VPS37A: variants seen among roughly 807,000 people sequenced by gnomAD.
VPS37A encodes the protein VPS37A subunit of ESCRT-I.
Under a neutral mutation model 49.8 loss-of-function variants are expected in VPS37A, and 30 were observed. The observed-to-expected ratio is 0.60, with a 90% CI of 0.45 to 0.82. The LOEUF is 0.82. VPS37A is among the 40% of genes least tolerant of loss of function. VPS37A has a pLI of 0.00. For missense variants in VPS37A, 593 were observed against 464.4 expected (o/e 1.28, Z -2.55); for synonymous variants, 195 against 160.6 (o/e 1.21, Z -1.62).
intron 9 of VPS37A, among the ~76,000 whole-genome samples, chr8:17,280,740 C>T (rs1208484333): frequency 6.6e-6 from 1 of 151,812 alleles, no homozygotes; most frequent in Non-Finnish European, 1.5e-5. Context: ...CTAGCAATAA[C>T]AACAAAAACT....
intron 4 of VPS37A, among the ~76,000 whole-genome samples, chr8:17,270,240 A>G (rs1190301302): frequency 1.3e-5 from 2 of 152,158 alleles, no homozygotes; most frequent in South Asian, 4.1e-4. Flanking sequence ...CATCCAAACT[A>G]TATCAGATGA....
chr8:17,267,053 A>G (rs747078976), intron 2 of VPS37A, among the ~76,000 whole-genome samples: 17 of 152,082 alleles, frequency 1.1e-4, no homozygotes, highest in Non-Finnish European at 2.2e-4. Context: ...TTACAGGCGT[A>G]TGTGAGCTTT....
chr8:17,285,385 A>G (rs1815495906), intron 10 of VPS37A, among the ~76,000 whole-genome samples: 1 of 152,210 alleles, frequency 6.6e-6, no homozygotes, highest in South Asian at 2.1e-4. Context: ...TATAGAATAC[A>G]TTTTTAAAAA....
At chr8:17,302,711 C>G (rs1817202568), downstream of VPS37A, among the ~76,000 whole-genome samples, 2 of 68,652 alleles carry the variant, frequency 2.9e-5, 1 homozygote, top group Admixed American at 2.2e-4. Context: ...TAACCCCCCC[C>G]CCCCCGCTTT....
chr8:17,311,293 A>G, the VPS37A span, among the ~76,000 whole-genome samples: 1 of 152,216 alleles, frequency 6.6e-6, no homozygotes, highest in South Asian at 2.1e-4. Context: ...TTGACTTGAA[A>G]TGGTTTCAAT....
intron 11 of VPS37A, among the ~76,000 whole-genome samples, chr8:17,294,299 C>T (rs1382286734): frequency 1.3e-5 from 2 of 152,112 alleles, no homozygotes; most frequent in East Asian, 3.9e-4. Context: ...GGACGCCCCT[C>T]CCCCCACCAA....
the VPS37A span, among the ~76,000 whole-genome samples, chr8:17,331,892 T>C: frequency 1.3e-5 from 2 of 152,182 alleles, no homozygotes; most frequent in Non-Finnish European, 2.9e-5. Flanking sequence ...TAGAGATCTA[T>C]TGGGCTTTTT....
chr8:17,328,486 T>C, the VPS37A span, among the ~76,000 whole-genome samples: 1 of 151,838 alleles, frequency 6.6e-6, no homozygotes, highest in African/African-American at 2.4e-5. Flanking sequence ...AAGCACCACA[T>C]GTTCTCACTT....
intron 4 of VPS37A, among the ~76,000 whole-genome samples, chr8:17,269,562 A>G (rs1813787788): frequency 1.3e-5 from 2 of 152,138 alleles, no homozygotes; most frequent in Admixed American, 1.3e-4. Context: ...TTTTTTTCAT[A>G]TCAAACCAGT....
At chr8:17,250,660 TA>T (rs985620345) in intron 1 of VPS37A, among the ~76,000 whole-genome samples, 4 of 152,202 alleles carry the variant, frequency 2.6e-5, no homozygotes, top group African/African-American at 9.7e-5. Context: ...TAACCCCTTA[TA>T]ATTCCGAAAA....
chr8:17,248,229 T>C (rs1811551309), intron 1 of VPS37A: 1 of 426,586 alleles, frequency 2.3e-6, no homozygotes, highest in South Asian at 1.7e-5. Flanking sequence ...CTATTTTAAA[T>C]AAAGATGACA....
the VPS37A span, among the ~76,000 whole-genome samples, chr8:17,315,029 C>T: frequency 7.9e-6 from 1 of 127,318 alleles, no homozygotes; most frequent in Non-Finnish European, 1.5e-5. Context: ...TATATTAGCC[C>T]TGTGGCCCTT....
intron 11 of VPS37A, among the ~76,000 whole-genome samples, chr8:17,289,366 T>C (rs561664345): frequency 2.0e-5 from 3 of 152,336 alleles, no homozygotes; most frequent in Admixed American, 1.3e-4. Flanking sequence ...TTAATCCATC[T>C]TGAGTTAATT....
the VPS37A span, among the ~76,000 whole-genome samples, chr8:17,331,953 T>A: frequency 2.0e-5 from 3 of 152,222 alleles, no homozygotes; most frequent in Non-Finnish European, 4.4e-5. Flanking sequence ...GGTCTCCAAG[T>A]GCAAACTAGG....
chr8:17,287,329 T>C (rs1815697386), intron 11 of VPS37A, among the ~76,000 whole-genome samples: 1 of 152,148 alleles, frequency 6.6e-6, no homozygotes, highest in African/African-American at 2.4e-5. Flanking sequence ...TCACACCTTT[T>C]TTGAGGCTGC....
intron 2 of VPS37A, among the ~76,000 whole-genome samples, chr8:17,266,866 G>C (rs894718808): frequency 2.6e-5 from 4 of 152,032 alleles, no homozygotes; most frequent in Non-Finnish European, 1.5e-5. Context: ...TCCGCCTCCC[G>C]GGTTCAAGCG....
chr8:17,249,256 G>C (rs1299947012), intron 1 of VPS37A, among the ~76,000 whole-genome samples: 2 of 152,308 alleles, frequency 1.3e-5, no homozygotes, highest in African/African-American at 4.8e-5. Context: ...CCCAAATAAA[G>C]TGAGATTCTA....
At chr8:17,320,096 G>C in the VPS37A span, among the ~76,000 whole-genome samples, 4 of 151,696 alleles carry the variant, frequency 2.6e-5, no homozygotes, top group East Asian at 1.9e-4. Context: ...GGGATAGACG[G>C]GGTTAAATAA....
chr8:17,307,690 G>T, the VPS37A span, among the ~76,000 whole-genome samples: 1 of 152,132 alleles, frequency 6.6e-6, no homozygotes, highest in African/African-American at 2.4e-5. Flanking sequence ...TATACACCAT[G>T]GAATATTATG....
Sources: gnomAD v4.1 joint callset for allele counts (sites outside exome capture counted in the v4.1 genomes callset) on GRCh38, gnomAD v4.1.1 for gene constraint, MANE v1.5 for transcripts, NCBI Gene and HGNC (gene_info 2026-07-23, HGNC 2026-07-21) for gene names.